The following SLC27A1 variants were observed in gnomAD, a reference collection of about 807,000 sequenced individuals.
SLC27A1 encodes the protein solute carrier family 27 member 1, also known as long-chain fatty acid transport protein 1.
A neutral mutation model predicts 62.2 loss-of-function variants in SLC27A1; 61 were observed. The ratio of observed to expected loss-of-function variants is 0.98; its 90% CI spans 0.80 to 1.21. The LOEUF is 1.21. Ranked by LOEUF, SLC27A1 falls within the 50% of genes most tolerant of loss-of-function variation. The pLI is 0.00. For missense variants in SLC27A1, 903 were observed against 932.1 expected, an observed-to-expected ratio of 0.97 and a Z score of 0.41; for synonymous variants, 435 against 408.6, an observed-to-expected ratio of 1.06 and a Z score of -0.78.
intron 1 of SLC27A1, among the ~76,000 whole-genome samples, chr19:17,482,744 A>C (rs913394531): frequency 2.0e-5 from 3 of 151,034 alleles, no homozygotes; most frequent in African/African-American, 7.3e-5. Context: ...TGGGCTTTGC[A>C]CTCAGTAGGT....
chr19:17,489,891 G>A (rs1409558284), intron 6 of SLC27A1: 3 of 152,726 alleles, frequency 2.0e-5, no homozygotes, highest in Non-Finnish European at 4.4e-5. Flanking sequence ...GGAATAGCAA[G>A]GCTGACTGGG....
At chr19:17,479,914 G>A (rs984890320) in intron 1 of SLC27A1, among the ~76,000 whole-genome samples, 3 of 152,046 alleles carry the variant, frequency 2.0e-5, no homozygotes, top group African/African-American at 7.2e-5. Flanking sequence ...AAAGTGCTGG[G>A]ATTACAGGCG....
Position 17,500,324 on chromosome 19 carries a change from C to G in SLC27A1, c.1253C>G (p.Pro418Arg). The G allele has an allele frequency of 6.2e-7, 1 of 1,614,246 alleles. No homozygotes were observed. Among genetic ancestry groups the G allele is most frequent in the Non-Finnish European group, 8.5e-7 (1 of 1,180,038 alleles). ...FNSRILPHVY[P>R]IRLVKVNEDT... ...AGCCGCATCCTGCCCCACGTGTACC[C>G]CATCCGGCTGGTGAAGGTCAATGAG... is the stretch of plus-strand genomic sequence containing the variant. Residue 418 changes from proline to arginine, a missense_variant, in exon 8 of 12, where the codon CCC (proline) becomes CGC (arginine). Pro to Arg is a moderately radical substitution (Grantham distance 103, BLOSUM62 -2). Coordinates refer to ENST00000252595, the MANE Select transcript of SLC27A1 (RefSeq NM_198580.3).
chr19:17,488,886 G>A lies in SLC27A1; in HGVS notation c.833G>A (p.Arg278His). ...GCAGCCTTCGGCCACCACGCCTACC[G>A]CATGCAGGCGGCTGACGTGCTCTAT... ...RMAAFGHHAY[R>H]MQAADVLYDC... Residue 278 changes from arginine to histidine, a missense_variant, in exon 5 of 12, where the codon CGC (arginine) becomes CAC (histidine). By Grantham distance (29) the Arg-to-His change is conservative. Coordinates refer to ENST00000252595, the MANE Select transcript of SLC27A1 (RefSeq NM_198580.3). The A allele has an allele frequency of 6.2e-7, 1 of 1,614,006 alleles. No individual in the cohort carries two copies. The highest frequency in any genetic ancestry group is 8.5e-7 in the Non-Finnish European group (1 of 1,179,998).
At position 17,501,418 on chromosome 19, in the gene SLC27A1, A is replaced by G. The variant is rs758965023; in HGVS notation, c.1782A>G (p.Thr594=). ...FLRLLPQVDT[T]GTFKIQKTRL... ...GCCTCCTGCCCCAGGTGGACACCAC[A>G]GGTGCGAGTCTCCCCCACTCCAATC... The change falls in exon 11 of 12, where the codon ACA becomes ACG. Residue 594 remains threonine (T), a splice_region_variant and synonymous_variant. Coordinates refer to ENST00000252595, the MANE Select transcript of SLC27A1 (RefSeq NM_198580.3). 30 of 1,612,242 alleles carry G rather than the reference A, an allele frequency of 1.9e-5. No individual in the cohort carries two copies. The highest frequency in any genetic ancestry group is 5.1e-6 in the Non-Finnish European group (6 of 1,179,508).
At chr19:17,480,748 G>C (rs2075169363) in intron 1 of SLC27A1, among the ~76,000 whole-genome samples, 1 of 151,848 alleles carries the variant, frequency 6.6e-6, no homozygotes, top group African/African-American at 2.4e-5. Context: ...TATATTGTAT[G>C]ATGCTGAGGT....
chr19:17,499,778 A>G (rs2075389137), intron 7 of SLC27A1: 1 of 154,386 alleles, frequency 6.5e-6, no homozygotes, highest in Admixed American at 6.4e-5. Context: ...GCGCCACTGC[A>G]TTCCAGCCTA....
chr19:17,491,873 C>CA (rs1340183883), intron 6 of SLC27A1, among the ~76,000 whole-genome samples: 7 of 150,314 alleles, frequency 4.7e-5, no homozygotes, highest in Non-Finnish European at 7.4e-5. Context: ...GCCCCTATCT[C>CA]AAAAAAATAA....
chr19:17,475,125 G>C (rs553291837), intron 1 of SLC27A1, among the ~76,000 whole-genome samples: 68 of 152,286 alleles, frequency 4.5e-4, no homozygotes, highest in African/African-American at 1.5e-3. Flanking sequence ...ACATTGGCCA[G>C]GCTGGTCTCA....
intron 11 of SLC27A1, among the ~76,000 whole-genome samples, chr19:17,501,993 G>A (rs1006021474): frequency 8.6e-5 from 13 of 151,150 alleles, no homozygotes; most frequent in Non-Finnish European, 1.8e-4. Context: ...GCATGCACTT[G>A]TAGTCCCAGC....
At chr19:17,471,933 TC>T (rs956572335) in intron 1 of SLC27A1, among the ~76,000 whole-genome samples, 1 of 151,978 alleles carries the variant, frequency 6.6e-6, no homozygotes, top group African/African-American at 2.4e-5. Flanking sequence ...CACCTGCCAC[TC>T]CCCCCATCCA....
Position 17,500,599 on chromosome 19 carries a change from G to A in SLC27A1, c.1438G>A (p.Val480Ile), listed in dbSNP as rs140567146. The A allele has an allele frequency of 7.1e-5, 115 of 1,613,698 alleles. 3 individuals carry two copies. In the East Asian group the frequency reaches 1.9e-3, roughly 27 times the overall value. The change falls in exon 9 of 12, where the codon GTC becomes ATC. Residue 480 changes from valine to isoleucine, a missense_variant. By Grantham distance (29) the Val-to-Ile change is conservative. Transcript: ENST00000252595. The stretch of plus-strand genomic sequence containing the variant: ...CACCAGCAAGAAGATCGCCCACAGC[G>A]TCTTCAGCAAGGGCGACAGCGCCTA... ...SATSKKIAHSVFSKGDSAYLS... is the reference protein window; with the variant it reads ...SATSKKIAHSIFSKGDSAYLS...
At chr19:17,497,123 CCATCAT>C in intron 6 of SLC27A1, 126 bp from the exon 7 acceptor site, 1 of 631,998 alleles carries the variant, frequency 1.6e-6, no homozygotes, top group South Asian at 2.2e-5. Context: ...GATTCTGCAG[CCATCAT>C]CATCCTTAGG....
In SLC27A1 at chr19:17,495,183, T is replaced by C. The variant is rs192661651; in HGVS notation, c.997-2072T>C. On this transcript the variant is annotated intron_variant, in intron 6 of 11. Transcript: ENST00000252595. Reference sequence around the variant, plus strand: ...AGAGATGAGGTATTACTACATTGGCTAGGCTGGTCTCGAACTTCTGACCTG... The same window carrying C: ...AGAGATGAGGTATTACTACATTGGCCAGGCTGGTCTCGAACTTCTGACCTG... 3.5e-3 allele frequency among the ~76,000 whole-genome samples: 531 copies of C among 151,808 alleles called. 3 individuals carry two copies. Among genetic ancestry groups the C allele is most frequent in the Middle Eastern group, 0.017 (5 of 294 alleles).
chr19:17,479,551 C>T (rs1017910965), intron 1 of SLC27A1, among the ~76,000 whole-genome samples: 10 of 152,186 alleles, frequency 6.6e-5, no homozygotes, highest in Admixed American at 2.0e-4. Flanking sequence ...ATGAATAGCA[C>T]TGTTATTTCC....
chr19:17,491,303 C>A (rs1169298163), intron 6 of SLC27A1: 3 of 152,058 alleles, frequency 2.0e-5, no homozygotes, highest in Non-Finnish European at 4.4e-5. Context: ...AAATCCCATC[C>A]CCAGTTACTC....
chr19:17,473,292 T>TG, intron 1 of SLC27A1, among the ~76,000 whole-genome samples: 2 of 152,346 alleles, frequency 1.3e-5, no homozygotes, highest in South Asian at 4.1e-4. Context: ...TGCAAACTCA[T>TG]GTGAGGTTAT....
chr19:17,470,819 T>A, intron 1 of SLC27A1, 112 bp downstream of exon 1: 2 of 478,466 alleles, frequency 4.2e-6, no homozygotes, highest in South Asian at 1.0e-4. Flanking sequence ...GAGCTGAGGG[T>A]GCTTTGTAGG....
intron 1 of SLC27A1, among the ~76,000 whole-genome samples, chr19:17,481,494 T>A (rs6512197): frequency 0.8 from 121,436 of 151,554 alleles, 49,939 homozygotes; most frequent in Non-Finnish European, 0.92. Context: ...CATTTACATT[T>A]TTTAAAAATG....
Sources: allele counts gnomAD v4.1 joint callset (sites outside exome capture counted in the v4.1 genomes callset), GRCh38; gene constraint gnomAD v4.1.1; transcripts MANE v1.5; gene names NCBI Gene and HGNC (gene_info 2026-07-23, HGNC 2026-07-21).